Variants in GPHN observed in about 807,000 individuals in gnomAD.
The protein encoded by GPHN is gephyrin.
A neutral mutation model predicts 95.5 loss-of-function variants in GPHN; 17 were observed. The observed-to-expected ratio is 0.18, with a 90% CI of 0.12 to 0.27. GPHN has a LOEUF of 0.27. Ranked by LOEUF, GPHN falls within the 10% of genes least tolerant of loss-of-function variation. GPHN has a pLI of 1.00. For missense variants in GPHN, 660 were observed against 978.1 expected, an observed-to-expected ratio of 0.67 and a Z score of 4.34; for synonymous variants, 320 against 322.5, an observed-to-expected ratio of 0.99 and a Z score of 0.08.
At chr14:66,714,385 G>A (rs61989578) in intron 2 of GPHN, among the ~76,000 whole-genome samples, 1 of 152,214 alleles carries the variant, frequency 6.6e-6, no homozygotes, top group East Asian at 1.9e-4. Context: ...ATCAGTTCTA[G>A]GAGCTTTCTG....
chr14:67,298,748 A>G, the GPHN span, among the ~76,000 whole-genome samples: 1 of 152,278 alleles, frequency 6.6e-6, no homozygotes, highest in Non-Finnish European at 1.5e-5. Flanking sequence ...ACATCTGTAA[A>G]ACATACAACT....
the GPHN span, among the ~76,000 whole-genome samples, chr14:67,464,480 C>T: frequency 1.3e-5 from 2 of 152,080 alleles, no homozygotes; most frequent in Non-Finnish European, 2.9e-5. Flanking sequence ...CTGCCTGCTT[C>T]TCTCACCTGC....
intron 2 of GPHN, among the ~76,000 whole-genome samples, chr14:66,691,981 A>G (rs2067810330): frequency 3.3e-5 from 5 of 152,170 alleles, no homozygotes. Flanking sequence ...TGACAATAAA[A>G]TCAAATTCGG....
chr14:67,573,187 G>T, the GPHN span: 1 of 773,660 alleles, frequency 1.3e-6, no homozygotes, highest in Non-Finnish European at 2.3e-6. This position sits in a 1 kb window ranked among gnomAD's most constrained non-coding sequence, Gnocchi z 4.8. Flanking sequence ...TGACCGAGTA[G>T]TGAGGCAGCT....
At chr14:67,398,970 TTTGTAACTGAGG>T in the GPHN span, among the ~76,000 whole-genome samples, 16 of 152,256 alleles carry the variant, frequency 1.1e-4, no homozygotes, top group Non-Finnish European at 1.9e-4. Flanking sequence ...ACTTCTATTG[TTTGTAACTGAGG>T]TTGTTCCATT....
intron 2 of GPHN, among the ~76,000 whole-genome samples, chr14:66,736,463 A>G (rs1290180471): frequency 6.7e-6 from 1 of 148,212 alleles, no homozygotes; most frequent in East Asian, 2.0e-4. Flanking sequence ...CAGTGGTGCA[A>G]TCTCGGCTCA....
chr14:67,579,915 C>A, the GPHN span: 6 of 1,550,174 alleles, frequency 3.9e-6, no homozygotes, highest in Non-Finnish European at 5.2e-6. Context: ...CCCCTCCCTG[C>A]TCAGGGATAT....
chr14:67,691,030 A>G, the GPHN span: 6 of 759,736 alleles, frequency 7.9e-6, no homozygotes, highest in South Asian at 9.1e-5. Context: ...CACATGGTCT[A>G]TTATGGTCCT....
the GPHN span, among the ~76,000 whole-genome samples, chr14:67,684,216 G>A: frequency 6.6e-6 from 1 of 152,150 alleles, no homozygotes; most frequent in South Asian, 2.1e-4. Context: ...TAATCTGTCT[G>A]CCTTTCTTTC....
the GPHN span, among the ~76,000 whole-genome samples, chr14:67,403,455 G>T: frequency 6.6e-6 from 1 of 152,162 alleles, no homozygotes. Context: ...GGGTGTTTTT[G>T]TCTGACTGTA....
the GPHN span, chr14:67,279,531 A>C: frequency 3.2e-5 from 49 of 1,525,942 alleles, no homozygotes; most frequent in Non-Finnish European, 4.2e-5. Context: ...TGCTGTGAAA[A>C]TATTAGGTAA....
rs1161971475 is a variant in GPHN, at chr14:66,921,444, G to GTT, written c.457-1208_457-1207dup. On this transcript the variant is annotated intron_variant, in intron 6 of 22. Coordinates refer to ENST00000478722, the MANE Select transcript of GPHN (RefSeq NM_020806.5). ...CATTAGCCCACTTTTTGATGGGATTGTTTTTTTTTTTTTTTCTTACTGATT... is the reference window on the plus strand; with the variant it reads ...CATTAGCCCACTTTTTGATGGGATTGTTTTTTTTTTTTTTTTTCTTACTGATT... 1.8e-4 allele frequency among the ~76,000 whole-genome samples: 23 copies of GTT among 129,168 alleles called. No individual in the cohort carries two copies. The South Asian group carries it at 2.9e-3, about 17-fold the overall frequency. 84.7% of individuals were successfully genotyped at this position (129,168 alleles called of 152,430 possible).
At chr14:67,169,918 A>G (rs1319266481) in intron 21 of GPHN, among the ~76,000 whole-genome samples, 12 of 152,170 alleles carry the variant, frequency 7.9e-5, no homozygotes, top group Admixed American at 7.9e-4. Flanking sequence ...CTCTACTAAA[A>G]ATAGAAAAAA....
At chr14:67,664,276 A>T in the GPHN span, among the ~76,000 whole-genome samples, 1 of 152,116 alleles carries the variant, frequency 6.6e-6, no homozygotes, top group African/African-American at 2.4e-5. Context: ...GAAATTCCGT[A>T]CCCATCAAAT....
chr14:66,923,035 C>A, intron 7 of GPHN, 97 bp downstream of exon 7: 1 of 1,021,892 alleles, frequency 9.8e-7, no homozygotes, highest in Non-Finnish European at 1.5e-6. Context: ...ACATTTAATA[C>A]TTCTTCAGAG....
At chr14:66,929,408 A>C (rs2066660292) in intron 8 of GPHN, among the ~76,000 whole-genome samples, 1 of 152,110 alleles carries the variant, frequency 6.6e-6, no homozygotes, top group Admixed American at 6.5e-5. Context: ...GGGGTGTTGA[A>C]GTCTCCAGCT....
chr14:67,464,010 C>G, the GPHN span, among the ~76,000 whole-genome samples: 1 of 152,124 alleles, frequency 6.6e-6, no homozygotes, highest in Admixed American at 6.6e-5. Flanking sequence ...TCAGGAGGGC[C>G]TCAACAGGCC....
chr14:66,655,992 C>A (rs186575165), intron 1 of GPHN, among the ~76,000 whole-genome samples: 67 of 152,136 alleles, frequency 4.4e-4, no homozygotes, highest in South Asian at 2.3e-3. Context: ...ATTCTGAATT[C>A]TTTTACTAAT....
At chr14:67,563,661 G>A in the GPHN span, among the ~76,000 whole-genome samples, 18 of 150,966 alleles carry the variant, frequency 1.2e-4, no homozygotes, top group South Asian at 1.0e-3. Context: ...TCAAACTCCT[G>A]ACCTCAGGTG....
Sources: allele counts gnomAD v4.1 joint callset (sites outside exome capture counted in the v4.1 genomes callset), GRCh38; gene constraint gnomAD v4.1.1; non-coding constraint Gnocchi (gnomAD v3.1); transcripts MANE v1.5; gene names NCBI Gene and HGNC (gene_info 2026-07-23, HGNC 2026-07-21).